STK3: variants seen among roughly 807,000 people sequenced by gnomAD.
The protein encoded by STK3 is serine/threonine-protein kinase 3.
STK3 carries 41 observed loss-of-function variants against 58.0 expected under a neutral mutation model. The observed-to-expected ratio is 0.71, with a 90% CI of 0.55 to 0.92. The LOEUF (loss-of-function observed/expected upper bound fraction) is 0.92, where lower values mean the gene tolerates loss of function less well. STK3 is among the 40% of genes least tolerant of loss of function. The probability of loss-of-function intolerance (pLI) is 0.00; values close to 1 mark genes in which losing one functional copy is unlikely to be tolerated. For synonymous variants in STK3, 170 were observed against 191.0 expected, an observed-to-expected ratio of 0.89 and a Z score of 0.91; for missense variants, 479 against 602.7, an observed-to-expected ratio of 0.79 and a Z score of 2.15.
chr8:98,488,767 T>C (rs1822471308), intron 10 of STK3, among the ~76,000 whole-genome samples: 2 of 152,306 alleles, frequency 1.3e-5, no homozygotes, highest in African/African-American at 2.4e-5. Flanking sequence ...GTATGGTACA[T>C]TGGTAGCTAT....
At chr8:98,684,020 C>T (rs572164078) in intron 6 of STK3, among the ~76,000 whole-genome samples, 37 of 152,210 alleles carry the variant, frequency 2.4e-4, no homozygotes, top group Middle Eastern at 3.4e-3. Context: ...TATTTAAGTG[C>T]AATTTCATAA....
intron 1 of STK3, among the ~76,000 whole-genome samples, chr8:98,923,852 T>TGCGCGCGC (rs1491328554): frequency 5.5e-5 from 7 of 128,308 alleles, no homozygotes; most frequent in Non-Finnish European, 1.0e-4. Context: ...TGTGTGTGTG[T>TGCGCGCGC]GTGCGCGCGC....
chr8:98,733,537 C>T (rs924159336), intron 4 of STK3, among the ~76,000 whole-genome samples: 1 of 152,220 alleles, frequency 6.6e-6, no homozygotes, highest in Non-Finnish European at 1.5e-5. Context: ...GAAACTATCA[C>T]CCCCATCCGT....
intron 6 of STK3, among the ~76,000 whole-genome samples, chr8:98,702,406 G>A (rs749708131): frequency 6.6e-4 from 100 of 152,066 alleles, no homozygotes; most frequent in African/African-American, 2.0e-3. Context: ...TAAGTTCTTC[G>A]TATCCCTCAG....
intron 3 of STK3, among the ~76,000 whole-genome samples, chr8:98,405,352 G>A (rs1384555733): frequency 2.0e-5 from 3 of 152,190 alleles, no homozygotes; most frequent in Non-Finnish European, 1.5e-5. Context: ...GATTAAATAA[G>A]TTAATACACA....
chr8:98,928,746 T>A (rs544765588), intron 1 of STK3, among the ~76,000 whole-genome samples: 1 of 152,158 alleles, frequency 6.6e-6, no homozygotes, highest in African/African-American at 2.4e-5. Context: ...ATTAAAAAAA[T>A]TATAATAAGT....
At chr8:98,911,981 C>G (rs1839154790) in intron 1 of STK3, among the ~76,000 whole-genome samples, 5 of 152,150 alleles carry the variant, frequency 3.3e-5, no homozygotes, top group Admixed American at 3.3e-4. Context: ...TTTGTCTATA[C>G]AACATTATAT....
chr8:98,350,473 G>A, the STK3 span, among the ~76,000 whole-genome samples: 2 of 152,152 alleles, frequency 1.3e-5, no homozygotes, highest in Admixed American at 1.3e-4. Flanking sequence ...TTCTAAAGTT[G>A]TTTCCACATT....
intron 3 of STK3, among the ~76,000 whole-genome samples, chr8:98,418,970 T>C (rs1026282747): frequency 6.6e-6 from 1 of 152,228 alleles, no homozygotes; most frequent in African/African-American, 2.4e-5. Flanking sequence ...GCCTGCATGG[T>C]GTTGTGTGCA....
chr8:98,757,490 G>A (rs1463379003), intron 3 of STK3, among the ~76,000 whole-genome samples: 3 of 149,762 alleles, frequency 2.0e-5, no homozygotes, highest in African/African-American at 7.4e-5. Flanking sequence ...AGCTACTCAG[G>A]AGGCTGAGGC....
At chr8:98,637,292 C>G (rs753366861) in intron 6 of STK3, among the ~76,000 whole-genome samples, 1 of 151,904 alleles carries the variant, frequency 6.6e-6, no homozygotes, top group Non-Finnish European at 1.5e-5. Flanking sequence ...CAAAACTATG[C>G]AATATTCTGT....
intron 6 of STK3, among the ~76,000 whole-genome samples, chr8:98,693,144 C>T (rs1012651640): frequency 6.6e-6 from 1 of 152,076 alleles, no homozygotes; most frequent in Non-Finnish European, 1.5e-5. Flanking sequence ...CACCTGTAAT[C>T]CCAGCACTTT....
intron 6 of STK3, among the ~76,000 whole-genome samples, chr8:98,691,660 C>G (rs932449530): frequency 2.6e-5 from 4 of 152,102 alleles, no homozygotes; most frequent in African/African-American, 9.7e-5. Flanking sequence ...GCACCGGGCG[C>G]AGTGGCTCAA....
chr8:98,757,908 T>C (rs1054680389), intron 3 of STK3, among the ~76,000 whole-genome samples: 7 of 152,298 alleles, frequency 4.6e-5, no homozygotes, highest in East Asian at 1.9e-4. Context: ...CTGAGCAGGA[T>C]TGTCAAGGAT....
chr8:98,771,155 T>C (rs1831294356), intron 2 of STK3, among the ~76,000 whole-genome samples: 1 of 152,252 alleles, frequency 6.6e-6, no homozygotes, highest in Non-Finnish European at 1.5e-5. Context: ...TACAGATTTA[T>C]CTATTCTAGA....
At chr8:98,553,248 T>A (rs1164609497) in intron 8 of STK3, 1 of 152,126 alleles carries the variant, frequency 6.6e-6, no homozygotes, top group Non-Finnish European at 1.5e-5. Context: ...AAGATTGAAT[T>A]AGGTGTCATG....
chr8:98,707,968 G>A (rs1383380405), intron 4 of STK3, among the ~76,000 whole-genome samples: 1 of 151,618 alleles, frequency 6.6e-6, no homozygotes, highest in Non-Finnish European at 1.5e-5. Flanking sequence ...GTGAAACCTC[G>A]TCTCTACTAA....
chr8:98,539,220 A>G (rs1300522142), intron 9 of STK3, among the ~76,000 whole-genome samples: 2 of 152,212 alleles, frequency 1.3e-5, no homozygotes, highest in Non-Finnish European at 2.9e-5. Context: ...TTTCATGAGC[A>G]TTAAACATTA....
At chr8:98,528,627 C>T (rs1357843030) in intron 9 of STK3, among the ~76,000 whole-genome samples, 1 of 152,150 alleles carries the variant, frequency 6.6e-6, no homozygotes, top group African/African-American at 2.4e-5. Flanking sequence ...GCTGGGATTA[C>T]AGGCATGCGC....
Sources: allele counts gnomAD v4.1 joint callset (sites outside exome capture counted in the v4.1 genomes callset), GRCh38; gene constraint gnomAD v4.1.1; transcripts MANE v1.5; gene names NCBI Gene and HGNC (gene_info 2026-07-23, HGNC 2026-07-21).